Variants in MCF2L2 observed in about 807,000 individuals in gnomAD.
The protein encoded by MCF2L2 is probable guanine nucleotide exchange factor MCF2L2.
In MCF2L2, 102 loss-of-function variants were observed where a neutral mutation model predicts 150.2. That is an observed-to-expected ratio of 0.68 (90% CI 0.58 to 0.80). The LOEUF (loss-of-function observed/expected upper bound fraction) is 0.80, where lower values mean the gene tolerates loss of function less well. Among genes scored for constraint, MCF2L2 ranks in the 30% least tolerant of loss-of-function variants. The probability of loss-of-function intolerance (pLI) is 0.00; values close to 1 mark genes in which losing one functional copy is unlikely to be tolerated. For missense variants in MCF2L2, 1,256 were observed against 1,372.8 expected, an observed-to-expected ratio of 0.91 and a Z score of 1.34; for synonymous variants, 465 against 491.3, an observed-to-expected ratio of 0.95 and a Z score of 0.71.
intron 5 of MCF2L2, 70 bp from the exon 6 acceptor site, chr3:183,323,421 T>A (rs151324603): frequency 1.5e-6 from 1 of 681,084 alleles, no homozygotes; most frequent in East Asian, 2.9e-5. Context: ...TACATTCTAT[T>A]CTTATCATAA....
At position 183,295,597 on chromosome 3, in the gene MCF2L2, C is replaced by A. The variant is rs567336368; in HGVS notation, c.1498-120G>T. On this transcript the variant is annotated intron_variant, in intron 12 of 29. Coordinates refer to ENST00000328913, the MANE Select transcript of MCF2L2 (RefSeq NM_015078.4). ...CCCATCCCTACCTCCCTCAGGTGAC[C>A]CCCTCTGGGCATCACTATGCAAGTC... 149 of 911,306 alleles carry A rather than the reference C, an allele frequency of 1.6e-4. No homozygotes were observed. The African/African-American group carries it at 2.4e-3, about 15-fold the overall frequency. 56.5% of individuals were successfully genotyped at this position (911,306 alleles called of 1,614,324 possible).
intron 1 of MCF2L2, among the ~76,000 whole-genome samples, chr3:183,414,001 A>G (rs1475649615): frequency 6.6e-6 from 1 of 152,230 alleles, no homozygotes; most frequent in Non-Finnish European, 1.5e-5. Context: ...TTCAAGGGTC[A>G]ACTGTATATT....
At chr3:183,381,023 C>G (rs1265943393) in intron 2 of MCF2L2, among the ~76,000 whole-genome samples, 6 of 151,854 alleles carry the variant, frequency 4.0e-5, no homozygotes, top group Admixed American at 3.9e-4. Context: ...CCTAGGGGGG[C>G]CATGAAAAAA....
intron 14 of MCF2L2, among the ~76,000 whole-genome samples, chr3:183,284,433 G>T (rs1223095932): frequency 1.3e-5 from 2 of 152,176 alleles, no homozygotes; most frequent in African/African-American, 2.4e-5. Flanking sequence ...TGAGTGTGGT[G>T]ACTCACGCCT....
intron 3 of MCF2L2, among the ~76,000 whole-genome samples, chr3:183,363,848 G>C (rs1484177325): frequency 5.3e-5 from 8 of 152,130 alleles, no homozygotes; most frequent in African/African-American, 1.9e-4. Context: ...CAATAAGGAA[G>C]ATATAATGAA....
intron 14 of MCF2L2, among the ~76,000 whole-genome samples, chr3:183,279,207 A>C (rs960092908): frequency 2.0e-5 from 3 of 151,974 alleles, no homozygotes; most frequent in African/African-American, 7.2e-5. Flanking sequence ...TTACATCGTA[A>C]CTGATGAGAT....
chr3:183,228,366 C>A lies in MCF2L2; in HGVS notation c.2046G>T (p.Arg682Ser). Residue 682 changes from arginine to serine, a missense_variant and splice_region_variant, in exon 18 of 30, where the codon AGG becomes AGT. Arg to Ser is a moderately radical substitution (Grantham distance 110, BLOSUM62 -1). Transcript: ENST00000328913. Reference sequence around the variant, plus strand: ...ACTTTTCCAACTCTTTTAGAAAAGTCCTAGAAAAATAAAAGTATACAAGTA... The same window carrying A: ...ACTTTTCCAACTCTTTTAGAAAAGTACTAGAAAAATAAAAGTATACAAGTA... Reference protein sequence around the residue: ...NIRELYEFHNRTFLKELEKCA... With the variant: ...NIRELYEFHNSTFLKELEKCA... The A allele has an allele frequency of 6.2e-7, 1 of 1,604,846 alleles. No individual in the cohort carries two copies. Among genetic ancestry groups the A allele is most frequent in the Non-Finnish European group, 8.5e-7 (1 of 1,172,732 alleles).
At chr3:183,389,929 C>T (rs2108598478) in intron 1 of MCF2L2, 150 bp from the exon 2 acceptor site, 2 of 650,304 alleles carry the variant, frequency 3.1e-6, no homozygotes, top group Non-Finnish European at 5.5e-6. Flanking sequence ...AACTTGATTG[C>T]TGAGATCCAG....
chr3:183,359,183 G>A (rs892618085), intron 3 of MCF2L2, among the ~76,000 whole-genome samples: 1 of 152,204 alleles, frequency 6.6e-6, no homozygotes, highest in Non-Finnish European at 1.5e-5. Context: ...CTGCACTGAT[G>A]AGACAGCCCT....
rs140382309 is a variant in MCF2L2, at chr3:183,276,078, G to A, written c.1862+794C>T. Among the ~76,000 whole-genome samples, 51 of 152,338 alleles carry A rather than the reference G, an allele frequency of 3.3e-4. No individual in the cohort carries two copies. In the East Asian group the frequency reaches 9.2e-3, roughly 28 times the overall value. On this transcript the variant is annotated intron_variant, in intron 15 of 29. Coordinates refer to ENST00000328913, the MANE Select transcript of MCF2L2 (RefSeq NM_015078.4). ...TCATTGCCAAATGGTGTTTTTCAGA[G>A]ATTATACCATTCAACGCCCACATGC...
At position 183,328,539 on chromosome 3, in the gene MCF2L2, C is replaced by G. The variant is rs148997873; in HGVS notation, c.487-5188G>C. On this transcript the variant is annotated intron_variant, in intron 5 of 29. Coordinates refer to ENST00000328913, the MANE Select transcript of MCF2L2 (RefSeq NM_015078.4). Reference sequence around the variant, plus strand: ...TGGTGTGAAAAAAAAAAAAAAGCAGCCTACACATTAGTTGTCAGAAGTGTT... The same window carrying G: ...TGGTGTGAAAAAAAAAAAAAAGCAGGCTACACATTAGTTGTCAGAAGTGTT... 2.5e-3 allele frequency among the ~76,000 whole-genome samples: 371 copies of G among 151,308 alleles called. 1 individual carries two copies. Among genetic ancestry groups the G allele is most frequent in the Middle Eastern group, 0.01 (3 of 286 alleles).
At chr3:183,335,912 C>T (rs1051481857) in intron 5 of MCF2L2, among the ~76,000 whole-genome samples, 4 of 152,090 alleles carry the variant, frequency 2.6e-5, no homozygotes, top group Non-Finnish European at 4.4e-5. Context: ...GAGTTTGCTT[C>T]TTTTGCTCTT....
intron 1 of MCF2L2, among the ~76,000 whole-genome samples, chr3:183,406,274 A>G (rs1313570450): frequency 2.0e-5 from 3 of 151,652 alleles, no homozygotes; most frequent in African/African-American, 7.3e-5. Context: ...TTTTTTAGTC[A>G]CTCTAACAGG....
chr3:183,181,750 G>A lies in MCF2L2; in HGVS notation c.3017-1591C>T, dbSNP rs925128390. On this transcript the variant is annotated intron_variant, in intron 27 of 29. Transcript: ENST00000328913. This position sits in a 1 kb window ranked among gnomAD's most constrained non-coding sequence, Gnocchi z 4.3. ...CCAGGGTCCATGGCCTCTGTGCCCC[G>A]GATGATGCCAGGGCTGCTAGGGACC... 6.6e-5 allele frequency among the ~76,000 whole-genome samples: 10 copies of A among 152,290 alleles called. No individual in the cohort carries two copies. Among genetic ancestry groups the A allele is most frequent in the East Asian group, 1.9e-4 (1 of 5,178 alleles).
intron 3 of MCF2L2, among the ~76,000 whole-genome samples, chr3:183,353,756 G>C (rs1321803117): frequency 6.6e-6 from 1 of 152,108 alleles, no homozygotes; most frequent in South Asian, 2.1e-4. Flanking sequence ...CCTGAGATTC[G>C]GGCAGGGACA....
At chr3:183,195,412 G>A (rs1357378453) in intron 25 of MCF2L2, among the ~76,000 whole-genome samples, 157 bp from the exon 26 acceptor site, 4 of 149,658 alleles carry the variant, frequency 2.7e-5, no homozygotes, top group Non-Finnish European at 4.5e-5. Context: ...CAGGAATTCA[G>A]AAAACGCTGC....
intron 3 of MCF2L2, among the ~76,000 whole-genome samples, chr3:183,363,881 A>C (rs1289896802): frequency 2.0e-5 from 3 of 152,252 alleles, no homozygotes; most frequent in Non-Finnish European, 2.9e-5. Context: ...TTTACATGCC[A>C]GTAACAGAGG....
intron 15 of MCF2L2, chr3:183,265,723 A>T (rs1435953509): frequency 3.9e-5 from 6 of 152,244 alleles, no homozygotes; most frequent in Non-Finnish European, 7.3e-5. Context: ...ACAAATGAGG[A>T]GTTTTACTTT....
chr3:183,297,669 T>TTCCTTCCTTCCTTCCTTC (rs1553776767), intron 11 of MCF2L2: 3 of 94,568 alleles, frequency 3.2e-5, no homozygotes, highest in Admixed American at 9.1e-5. Flanking sequence ...CCTTCCTTCC[T>TTCCTTCCTTCCTTCCTTC]CTTTCTTTCT....
Sources: gnomAD v4.1 joint callset for allele counts (sites outside exome capture counted in the v4.1 genomes callset) on GRCh38, gnomAD v4.1.1 for gene constraint, Gnocchi (gnomAD v3.1) non-coding constraint, MANE v1.5 for transcripts, NCBI Gene and HGNC (gene_info 2026-07-23, HGNC 2026-07-21) for gene names.